TBC1D8B: variants seen among roughly 807,000 people sequenced by gnomAD.
TBC1D8B encodes RP11-321G1.1.
TBC1D8B carries 75 observed loss-of-function variants against 82.9 expected under a neutral mutation model. The observed-to-expected ratio is 0.90, with a 90% CI of 0.75 to 1.10. The LOEUF is 1.10. Among genes scored for constraint, TBC1D8B ranks in the 50% least tolerant of loss-of-function variants. The pLI is 0.00. For synonymous variants in TBC1D8B, 276 were observed against 276.8 expected (o/e 1.00, Z 0.03); for missense variants, 794 against 796.9 (o/e 1.00, Z 0.04).
At chrX:106,842,816 T>C (rs1932345656) in intron 10 of TBC1D8B, among the ~76,000 whole-genome samples, 1 of 110,893 alleles carries the variant, frequency 9.0e-6, no homozygotes, top group Non-Finnish European at 1.9e-5. Flanking sequence ...TTCATCACCC[T>C]AAAAAGAAGC....
intron 1 of TBC1D8B, among the ~76,000 whole-genome samples, chrX:106,807,921 CG>C (rs1931245006): frequency 9.1e-6 from 1 of 110,064 alleles, no homozygotes; most frequent in South Asian, 4.0e-4. Context: ...GACTTGGTGG[CG>C]GGTGCCTGTA....
At chrX:106,818,482 C>T in intron 1 of TBC1D8B, 181 bp from the exon 2 acceptor site, 1 of 333,030 alleles carries the variant, frequency 3.0e-6, no homozygotes, top group Non-Finnish European at 5.2e-6. Context: ...ATACTACTCA[C>T]ATTGGCATAC....
Position 106,822,203 on chromosome X carries a change from G to A in TBC1D8B, c.586+1G>A. 8.4e-7 allele frequency: 1 copy of A among 1,192,575 alleles called. No homozygotes were observed. The highest frequency in any genetic ancestry group is 1.1e-6 in the Non-Finnish European group (1 of 885,635). On this transcript the variant is annotated splice_donor_variant, in intron 4 of 20. Coordinates refer to ENST00000357242, the MANE Select transcript of TBC1D8B (RefSeq NM_017752.3). LOFTEE classifies it high-confidence loss of function. ...TATTCTTTTTTGTTGGGATCAGAAA[G>A]TAAGTGGTTTCTATTGCTTACTATG...
intron 19 of TBC1D8B, 121 bp from the exon 20 acceptor site, chrX:106,870,595 G>A: frequency 2.3e-6 from 1 of 443,172 alleles, no homozygotes. Context: ...TCATTTCCTG[G>A]ATTAAAAAAA....
At chrX:106,868,321 T>A in intron 17 of TBC1D8B, 72 bp from the exon 18 acceptor site, 1 of 674,208 alleles carries the variant, frequency 1.5e-6, no homozygotes, top group East Asian at 4.0e-5. Context: ...CAGATATACC[T>A]GACCCATTAT....
chrX:106,865,369 A>G, intron 14 of TBC1D8B, among the ~76,000 whole-genome samples, 190 bp from the exon 15 acceptor site: 1 of 112,498 alleles, frequency 8.9e-6, no homozygotes. Context: ...GTCTACTACT[A>G]CTTTTTAAAA....
At chrX:106,805,070 T>G (rs1255423658) in intron 1 of TBC1D8B, among the ~76,000 whole-genome samples, 1 of 56,474 alleles carries the variant, frequency 1.8e-5, no homozygotes, top group East Asian at 6.0e-4. Flanking sequence ...GTTGCAAGTT[T>G]CCTTTTTTTT....
chrX:106,853,384 C>G (rs901155164), intron 12 of TBC1D8B, 137 bp from the exon 13 acceptor site: 29 of 538,563 alleles, frequency 5.4e-5, no homozygotes, highest in Non-Finnish European at 8.5e-5. Context: ...CAACAAAGTT[C>G]CACTTCTTCA....
intron 1 of TBC1D8B, among the ~76,000 whole-genome samples, chrX:106,809,427 G>C (rs771889223): frequency 2.7e-5 from 3 of 111,615 alleles, no homozygotes; most frequent in Non-Finnish European, 3.8e-5. Context: ...ATGAGCTGTG[G>C]ACAGAGACTT....
At position 106,875,963 on chromosome X, in the gene TBC1D8B, A is replaced by G. The variant is rs1336622609; in HGVS notation, c.*1998A>G. 8.9e-6 allele frequency: 1 copy of G among 111,985 alleles called. No individual in the cohort carries two copies. 9.2% of individuals were successfully genotyped at this position (111,985 alleles called of 1,213,427 possible). ...TTTATTTTCTGAGTCTGCAGGAGAA[A>G]CAAACTAAACATTATAGTTTTATAG... On this transcript the variant is annotated 3_prime_UTR_variant, in exon 21 of 21. Transcript: ENST00000357242.
At chrX:106,849,807 G>C in intron 11 of TBC1D8B, 2 of 972,601 alleles carry the variant, frequency 2.1e-6, no homozygotes, top group South Asian at 3.8e-5. Context: ...ATATAATAAA[G>C]ACTCAATAAA....
intron 7 of TBC1D8B, among the ~76,000 whole-genome samples, chrX:106,830,243 A>G (rs1294628349): frequency 5.4e-5 from 6 of 112,036 alleles, no homozygotes; most frequent in Non-Finnish European, 1.1e-4. Flanking sequence ...AACCACAATG[A>G]GATACCATCT....
At chrX:106,820,727 T>C in intron 2 of TBC1D8B, 150 bp from the exon 3 acceptor site, 1 of 416,026 alleles carries the variant, frequency 2.4e-6, no homozygotes, top group East Asian at 4.4e-5. Context: ...AGGGATAAAG[T>C]AGGAATAAAT....
chrX:106,818,691 C>T lies in TBC1D8B; in HGVS notation c.159C>T (p.Val53=), dbSNP rs1931608652. 1 of 1,206,004 alleles carries T rather than the reference C, an allele frequency of 8.3e-7. No homozygotes were observed. The highest frequency in any genetic ancestry group is 2.2e-5 in the Admixed American group (1 of 45,382). ...TTCTGGTTGGGACTCTTGATTCAGT[C>T]TTGGACTCTACTGCTAAAGTAGCTC... The part of the protein sequence containing the change: ...TGLLVGTLDS[V]LDSTAKVAPF... Residue 53 remains valine (V), a synonymous_variant, in exon 2 of 21, where the codon GTC becomes GTT. Transcript: ENST00000357242.
chrX:106,849,811 C>T (rs1932549722), intron 11 of TBC1D8B: 2 of 977,530 alleles, frequency 2.0e-6, no homozygotes, highest in Non-Finnish European at 2.6e-6. Context: ...AATAAAGACT[C>T]AATAAATAAC....
rs967119888 is a variant in TBC1D8B at position 106,875,130 on chromosome X, A to G, written c.*1165A>G. 9.0e-6 allele frequency: 1 copy of G among 111,370 alleles called. No homozygotes were observed. The highest frequency in any genetic ancestry group is 1.9e-5 in the Non-Finnish European group (1 of 52,978). 9.2% of individuals were successfully genotyped at this position (111,370 alleles called of 1,213,427 possible). ...TTCAAAAAAAAAAAAAGCAAACCAT[A>G]CTTGTCCACTGTCCTGTGCTATTCC... is the stretch of plus-strand genomic sequence containing the variant. On this transcript the variant is annotated 3_prime_UTR_variant, in exon 21 of 21. Coordinates refer to ENST00000357242, the MANE Select transcript of TBC1D8B (RefSeq NM_017752.3).
rs1391067283 is a variant in TBC1D8B, at chrX:106,875,221, C to A, written c.*1256C>A. On this transcript the variant is annotated 3_prime_UTR_variant, in exon 21 of 21. Coordinates refer to ENST00000357242, the MANE Select transcript of TBC1D8B (RefSeq NM_017752.3). ...GGGGAGAAATCATTCATTGGAGCTT[C>A]TTTCTTTAGAAAAGACTTTGGTTAT... 9.0e-6 allele frequency: 1 copy of A among 111,461 alleles called. No individual in the cohort carries two copies. The highest frequency in any genetic ancestry group is 1.9e-5 in the Non-Finnish European group (1 of 53,076). 9.2% of individuals were successfully genotyped at this position (111,461 alleles called of 1,213,427 possible). A position where few individuals can be genotyped will look rare whatever the true frequency, so the allele number is the denominator to read the frequency against.
chrX:106,849,840 T>A (rs1220675803), intron 11 of TBC1D8B, 185 bp from the exon 12 acceptor site: 18 of 1,026,269 alleles, frequency 1.8e-5, no homozygotes, highest in Non-Finnish European at 2.2e-5. Flanking sequence ...TGAATTTGAA[T>A]TGTGTTTCTG....
intron 1 of TBC1D8B, among the ~76,000 whole-genome samples, chrX:106,817,047 T>G (rs1931560688): frequency 9.0e-6 from 1 of 111,559 alleles, no homozygotes; most frequent in African/African-American, 3.2e-5. Context: ...TGAATTAAAT[T>G]TTTCTTAAAA....
Sources: gnomAD v4.1 joint callset for allele counts (sites outside exome capture counted in the v4.1 genomes callset) on GRCh38, gnomAD v4.1.1 for gene constraint, MANE v1.5 for transcripts, NCBI Gene and HGNC (gene_info 2026-07-23, HGNC 2026-07-21) for gene names.